SMCO3: variants seen among roughly 807,000 people sequenced by gnomAD.
The protein encoded by SMCO3 is single-pass membrane and coiled-coil domain-containing protein 3.
SMCO3 carries 6 observed loss-of-function variants against 12.0 expected under a neutral mutation model. That is an observed-to-expected ratio of 0.50 (90% CI 0.27 to 0.99). The LOEUF (loss-of-function observed/expected upper bound fraction) is 0.99. Among genes scored for constraint, SMCO3 ranks in the 50% least tolerant of loss-of-function variants. SMCO3 has a pLI of 0.11. For missense variants in SMCO3, 279 were observed against 265.0 expected (o/e 1.05, Z -0.37); for synonymous variants, 96 against 96.4 (o/e 1.00, Z 0.02).
At chr12:14,808,566 T>G (rs1431965515) in intron 1 of SMCO3, among the ~76,000 whole-genome samples, 1 of 152,132 alleles carries the variant, frequency 6.6e-6, no homozygotes, top group African/African-American at 2.4e-5. Flanking sequence ...GAATGAAGAT[T>G]TTTTTCTTTC....
chr12:14,806,812 A>T, intron 1 of SMCO3, 116 bp from the exon 2 acceptor site: 1 of 942,666 alleles, frequency 1.1e-6, no homozygotes, highest in Middle Eastern at 3.1e-4. Context: ...GATGCTGTCT[A>T]AGGATAATTC....
chr12:14,805,842 T>C lies in SMCO3; in HGVS notation c.*161A>G, dbSNP rs374450426. The C allele has an allele frequency of 2.4e-5, 18 of 740,220 alleles. No homozygotes were observed. Among genetic ancestry groups the C allele is most frequent in the East Asian group, 5.4e-5 (2 of 36,848 alleles). 45.9% of individuals were successfully genotyped at this position (740,220 alleles called of 1,614,324 possible). Reference sequence around the variant, plus strand: ...CCAGGCATTGTTGACTCAAAACTCATCTAGTCATCTAGTCTTGGCATCTCC... The same window carrying C: ...CCAGGCATTGTTGACTCAAAACTCACCTAGTCATCTAGTCTTGGCATCTCC... On this transcript the variant is annotated 3_prime_UTR_variant, in exon 2 of 2. Transcript: ENST00000316048.
intron 1 of SMCO3, among the ~76,000 whole-genome samples, chr12:14,806,913 C>A (rs1352522968): frequency 6.6e-6 from 1 of 152,130 alleles, no homozygotes; most frequent in African/African-American, 2.4e-5. Context: ...CTCACTGCAA[C>A]CTCTGCCTCC....
rs149241874 is a variant in SMCO3, at chr12:14,810,278, A to G, written c.-16-3582T>C. Among the ~76,000 whole-genome samples, 447 of 152,266 alleles carry G rather than the reference A, an allele frequency of 2.9e-3. 3 individuals are homozygous for G. The highest frequency in any genetic ancestry group is 0.011 in the African/African-American group (438 of 41,538). ...CTGAATACAGCTCAAGGTTATTTCT[A>G]CACCCCAAATGAGATAAGAAGCACT... On this transcript the variant is annotated intron_variant, in intron 1 of 1. Transcript: ENST00000316048.
chr12:14,806,739 A>G (rs757440130), intron 1 of SMCO3, 43 bp from the exon 2 acceptor site: 111 of 1,504,906 alleles, frequency 7.4e-5, no homozygotes, highest in Non-Finnish European at 6.6e-5. Context: ...GTCTTAAAAA[A>G]TGTCTGCTAA....
At position 14,806,266 on chromosome 12, in the gene SMCO3, T is replaced by C. The variant is rs756930398; in HGVS notation, c.415A>G (p.Asn139Asp). Residue 139 changes from asparagine (N) to aspartate (D), a missense_variant, in exon 2 of 2, where the codon AAT (asparagine) becomes GAT (aspartate). Coordinates refer to ENST00000316048, the MANE Select transcript of SMCO3 (RefSeq NM_001013698.2). ...SAVAVKLVGS[N>D]VTTGIINKLV... is the part of the protein sequence containing the mutation. The stretch of plus-strand genomic sequence containing the variant: ...TTGTTAATTATGCCAGTTGTGACAT[T>C]TGAGCCCACAAGTTTAACAGCGACT... The C allele has an allele frequency of 4.3e-6, 7 of 1,614,114 alleles. No individual in the cohort carries two copies. In the African/African-American group the frequency reaches 6.7e-5, roughly 15 times the overall value.
intron 1 of SMCO3, among the ~76,000 whole-genome samples, chr12:14,807,878 A>G (rs1221718268): frequency 2.6e-5 from 4 of 152,182 alleles, no homozygotes; most frequent in Non-Finnish European, 5.9e-5. Context: ...GTATTAAAGA[A>G]TAAGGGGCCG....
chr12:14,805,679 A>G lies in SMCO3; in HGVS notation c.*324T>C, dbSNP rs1296900976. Reference sequence around the variant, plus strand: ...AATGTGAAATTTAAGAATTTTACTGAAATTAGAAAAGAGAAAAGTAACCCC... The same window carrying G: ...AATGTGAAATTTAAGAATTTTACTGGAATTAGAAAAGAGAAAAGTAACCCC... On this transcript the variant is annotated 3_prime_UTR_variant, in exon 2 of 2. Transcript: ENST00000316048. The G allele has an allele frequency of 2.8e-5, 6 of 210,600 alleles. No homozygotes were observed. The allele number at this position is 210,600 out of a possible 1,614,324, so 13.0% of individuals were successfully genotyped here. A position where few individuals can be genotyped will look rare whatever the true frequency, so the allele number is the denominator to read the frequency against.
At position 14,804,745 on chromosome 12, in the gene SMCO3, T is replaced by C. The variant is rs1481209930; in HGVS notation, c.*1258A>G. 6.6e-6 allele frequency: 1 copy of C among 152,236 alleles called. No individual in the cohort carries two copies. Among genetic ancestry groups the C allele is most frequent in the African/African-American group, 2.4e-5 (1 of 41,458 alleles). The allele number at this position is 152,236 out of a possible 1,614,324, so 9.4% of individuals were successfully genotyped here. A position where few individuals can be genotyped will look rare whatever the true frequency, so the allele number is the denominator to read the frequency against. On this transcript the variant is annotated 3_prime_UTR_variant, in exon 2 of 2. Coordinates refer to ENST00000316048, the MANE Select transcript of SMCO3 (RefSeq NM_001013698.2). ...TTTTGCAACTCGTTTTGAAAAACAATGCAAGAAGAGAAAGAGAAAACAGTG... is the reference window on the plus strand; with the variant it reads ...TTTTGCAACTCGTTTTGAAAAACAACGCAAGAAGAGAAAGAGAAAACAGTG...
In SMCO3 at chr12:14,806,380, C is replaced by T. The variant is rs1188794050; in HGVS notation, c.301G>A (p.Asp101Asn). Residue 101 changes from aspartate to asparagine, a missense_variant, in exon 2 of 2, where the codon GAT becomes AAT. Transcript: ENST00000316048. ...LEPTLYRKLQ[D>N]IKEKETDKIA... ...TTGTCTGTTTCCTTTTCCTTAATAT[C>T]CTGAAGTTTTCTATAGAGGGTTGGC... 6.2e-7 allele frequency: 1 copy of T among 1,614,050 alleles called. No homozygotes were observed. The highest frequency in any genetic ancestry group is 8.5e-7 in the Non-Finnish European group (1 of 1,180,042).
chr12:14,814,070 A>T (rs1301264679), intron 1 of SMCO3, 56 bp downstream of exon 1: 1 of 152,174 alleles, frequency 6.6e-6, no homozygotes, highest in Non-Finnish European at 1.5e-5. Flanking sequence ...AATTCCTCCT[A>T]CTACTGAGAA....
chr12:14,813,074 G>T (rs1407552241), intron 1 of SMCO3, among the ~76,000 whole-genome samples: 1 of 152,134 alleles, frequency 6.6e-6, no homozygotes, highest in Non-Finnish European at 1.5e-5. Context: ...AAAAAAGATT[G>T]GCCTTGTTTT....
Position 14,806,286 on chromosome 12 carries a change from G to C in SMCO3, c.395C>G (p.Ala132Gly). 2.5e-6 allele frequency: 4 copies of C among 1,614,234 alleles called. No homozygotes were observed. Residue 132 changes from alanine to glycine, a missense_variant, in exon 2 of 2, where the codon GCT (alanine) becomes GGT (glycine). Physicochemically the swap from Ala to Gly is moderately conservative, Grantham distance 60. Transcript: ENST00000316048. ...GEATSAASAVAVKLVGSNVTT... is the reference protein window; with the variant it reads ...GEATSAASAVGVKLVGSNVTT... ...GACATTTGAGCCCACAAGTTTAACA[G>C]CGACTGCACTGGCTGCAGATGTAGC...
chr12:14,806,830 C>T, intron 1 of SMCO3, 134 bp from the exon 2 acceptor site: 2 of 828,800 alleles, frequency 2.4e-6, no homozygotes, highest in Non-Finnish European at 3.7e-6. Context: ...TTCCTCAGAA[C>T]ACTCAACAAG....
At chr12:14,809,587 A>G (rs1384819982) in intron 1 of SMCO3, among the ~76,000 whole-genome samples, 1 of 152,214 alleles carries the variant, frequency 6.6e-6, no homozygotes, top group Non-Finnish European at 1.5e-5. Context: ...CATGGGCTAG[A>G]CTTTGGAGTT....
chr12:14,810,585 G>A (rs985861971), intron 1 of SMCO3, among the ~76,000 whole-genome samples: 5 of 152,042 alleles, frequency 3.3e-5, no homozygotes, highest in East Asian at 1.9e-4. Context: ...GTAATATGTC[G>A]TACAAAATTA....
intron 1 of SMCO3, among the ~76,000 whole-genome samples, chr12:14,812,489 T>C (rs920782198): frequency 6.6e-6 from 1 of 152,138 alleles, no homozygotes; most frequent in African/African-American, 2.4e-5. Flanking sequence ...TTCCCTGTCT[T>C]TACCCTGGTT....
Position 14,806,350 on chromosome 12 carries a change from C to A in SMCO3, c.331G>T (p.Ala111Ser). 1 of 1,614,192 alleles carries A rather than the reference C, an allele frequency of 6.2e-7. No individual in the cohort carries two copies. Among genetic ancestry groups the A allele is most frequent in the Non-Finnish European group, 8.5e-7 (1 of 1,180,032 alleles). ...ACCGAAATAACCTTTTGCACTATTG[C>A]AATTTTGTCTGTTTCCTTTTCCTTA... ...DIKEKETDKIAIVQKVISVIL... is the reference protein window; with the variant it reads ...DIKEKETDKISIVQKVISVIL... Residue 111 changes from alanine to serine, a missense_variant, in exon 2 of 2, where the codon GCA becomes TCA. Physicochemically the swap from Ala to Ser is moderately conservative, Grantham distance 99. Coordinates refer to ENST00000316048, the MANE Select transcript of SMCO3 (RefSeq NM_001013698.2).
rs1592234930 is a variant in SMCO3 at position 14,812,245 on chromosome 12, C to T, written c.-17+1881G>A. On this transcript the variant is annotated intron_variant, in intron 1 of 1. Transcript: ENST00000316048. ...GGATCACGAGGTCAGGAGATCGAAA[C>T]CATCCTGGCTAACACGGTGAAACCC... Among the ~76,000 whole-genome samples, 4 of 152,020 alleles carry T rather than the reference C, an allele frequency of 2.6e-5. No individual in the cohort carries two copies. The South Asian group carries it at 8.3e-4, about 32-fold the overall frequency.
Sources: gnomAD v4.1 joint callset for allele counts (sites outside exome capture counted in the v4.1 genomes callset) on GRCh38, gnomAD v4.1.1 for gene constraint, MANE v1.5 for transcripts, NCBI Gene and HGNC (gene_info 2026-07-23, HGNC 2026-07-21) for gene names.